Variants in TNIP1 observed in about 807,000 individuals in gnomAD.
TNIP1 encodes the protein TNFAIP3 interacting protein 1.
TNIP1 carries 22 observed loss-of-function variants against 86.6 expected under a neutral mutation model. The ratio of observed to expected loss-of-function variants is 0.25; its 90% CI spans 0.18 to 0.36. TNIP1 has a LOEUF of 0.36. Ranked by LOEUF, TNIP1 falls within the 10% of genes least tolerant of loss-of-function variation. The pLI, the probability that TNIP1 is intolerant of heterozygous loss-of-function variation, is 1.00. For missense variants in TNIP1, 709 were observed against 820.6 expected, an observed-to-expected ratio of 0.86 and a Z score of 1.66; for synonymous variants, 294 against 313.0, an observed-to-expected ratio of 0.94 and a Z score of 0.64.
At chr5:151,087,569 T>G (rs140378407), upstream of TNIP1, 721 of 152,282 alleles carry the variant, frequency 4.7e-3, 6 homozygotes, top group Middle Eastern at 0.02. Flanking sequence ...GCCCACATCC[T>G]CCCACCCCGT....
chr5:151,076,351 T>C (rs943166366), intron 1 of TNIP1, among the ~76,000 whole-genome samples: 5 of 152,040 alleles, frequency 3.3e-5, no homozygotes, highest in Admixed American at 2.6e-4. Flanking sequence ...TGTGGGGGCA[T>C]AGCAGCAAGA....
chr5:151,059,864 TGTGCGCGCGC>T (rs1369751521), intron 5 of TNIP1, among the ~76,000 whole-genome samples: 22 of 98,680 alleles, frequency 2.2e-4, no homozygotes, highest in East Asian at 2.1e-3. Context: ...TGTGTGTGTG[TGTGCGCGCGC>T]GCGCGCGCAT....
upstream of TNIP1, among the ~76,000 whole-genome samples, chr5:151,081,258 C>A (rs532128486): frequency 6.6e-6 from 1 of 152,318 alleles, no homozygotes; most frequent in East Asian, 1.9e-4. Flanking sequence ...CCGTCCCGGG[C>A]CTGCGCGGCG....
At chr5:151,055,596 G>A (rs1459223049) in intron 6 of TNIP1, among the ~76,000 whole-genome samples, 1 of 152,162 alleles carries the variant, frequency 6.6e-6, no homozygotes, top group African/African-American at 2.4e-5. Flanking sequence ...TCCCCTCCAG[G>A]TGGGATGGGC....
At chr5:151,041,562 T>C (rs1365135783) in intron 11 of TNIP1, among the ~76,000 whole-genome samples, 1 of 152,102 alleles carries the variant, frequency 6.6e-6, no homozygotes, top group Admixed American at 6.5e-5. Flanking sequence ...AGACAAGGTG[T>C]GGCTATGTCA....
intron 1 of TNIP1, among the ~76,000 whole-genome samples, chr5:151,071,839 A>G (rs78887201): frequency 0.016 from 2,445 of 152,206 alleles, 74 homozygotes; most frequent in African/African-American, 0.056. Flanking sequence ...CGAGGCCCAG[A>G]TTACACACCA....
intron 6 of TNIP1, among the ~76,000 whole-genome samples, chr5:151,053,879 G>A (rs138389566): frequency 1.2e-3 from 189 of 152,326 alleles, no homozygotes; most frequent in Admixed American, 3.1e-3. Flanking sequence ...CCACACTGGT[G>A]TCTCTTTCCC....
At position 151,042,646 on chromosome 5, in the gene TNIP1, G is replaced by A; in HGVS notation, c.1028C>T (p.Ala343Val). The A allele has an allele frequency of 1.2e-6, 2 of 1,613,924 alleles. No homozygotes were observed. Among genetic ancestry groups the A allele is most frequent in the Non-Finnish European group, 1.7e-6 (2 of 1,180,002 alleles). ...QKITELRQKL[A>V]DLQKQVTDLE... is the part of the protein sequence containing the mutation. ...GTCAGTCACCTGCTTCTGCAAATCA[G>A]CCAGCTTCTGACGCAGCTCAGTGAT... Residue 343 changes from alanine (A) to valine (V), a missense_variant, in exon 11 of 18, where the codon GCT (alanine) becomes GTT (valine). Transcript: ENST00000521591.
At chr5:151,064,373 C>T (rs1475898141) in intron 2 of TNIP1, among the ~76,000 whole-genome samples, 2 of 152,218 alleles carry the variant, frequency 1.3e-5, no homozygotes, top group Non-Finnish European at 2.9e-5. Flanking sequence ...AGAAAGAGAG[C>T]CCCCTCTGGA....
upstream of TNIP1, among the ~76,000 whole-genome samples, chr5:151,082,095 G>C (rs2113860003): frequency 6.6e-6 from 1 of 152,204 alleles, no homozygotes; most frequent in Admixed American, 6.5e-5. Context: ...AAGGATTTGG[G>C]GAACTGTTTA....
At chr5:151,064,841 G>C in intron 2 of TNIP1, 119 bp downstream of exon 2, 1 of 1,440,924 alleles carries the variant, frequency 6.9e-7, no homozygotes, top group Non-Finnish European at 9.6e-7. Context: ...GGCCAGGAGG[G>C]ACAGGGGATG....
intron 5 of TNIP1, among the ~76,000 whole-genome samples, chr5:151,059,793 G>C (rs1453674238): frequency 5.2e-5 from 5 of 96,082 alleles, no homozygotes; most frequent in African/African-American, 1.1e-4. Context: ...GAGAGAGAGA[G>C]AGAGAGAGAG....
chr5:151,064,977 T>C lies in TNIP1; in HGVS notation c.119A>G (p.Gln40Arg), dbSNP rs1000521086. ...KENSRLKEKM[Q>R]GIKMLGELLE... ...TGCTTTACCTAACATCTTTATCCCT[T>C]GCATTTTTTCCTTCAGCCGGGAATT... The change falls in exon 2 of 18, where the codon CAA becomes CGA. Residue 40 changes from glutamine to arginine, a missense_variant. By Grantham distance (43) the Gln-to-Arg change is conservative. Transcript: ENST00000521591. The C allele has an allele frequency of 1.9e-6, 3 of 1,614,190 alleles. No homozygotes were observed. The highest frequency in any genetic ancestry group is 1.7e-5 in the Admixed American group (1 of 60,026).
intron 1 of TNIP1, among the ~76,000 whole-genome samples, chr5:151,066,144 G>A (rs1176221616): frequency 2.0e-5 from 3 of 152,200 alleles, no homozygotes; most frequent in Admixed American, 6.5e-5. Flanking sequence ...AGAGGAGGAT[G>A]GTGGGGAACA....
intron 9 of TNIP1, among the ~76,000 whole-genome samples, chr5:151,043,791 A>G (rs553357964): frequency 2.6e-5 from 4 of 152,120 alleles, no homozygotes; most frequent in Non-Finnish European, 4.4e-5. Context: ...AAAAAAAGAA[A>G]AGAAAAAAAG....
At chr5:151,075,228 G>C (rs1763247047) in intron 1 of TNIP1, among the ~76,000 whole-genome samples, 2 of 152,190 alleles carry the variant, frequency 1.3e-5, no homozygotes, top group Non-Finnish European at 2.9e-5. Context: ...AATTTCAACT[G>C]ATTGGAAATG....
chr5:151,078,146 T>C (rs1001463119), intron 1 of TNIP1, among the ~76,000 whole-genome samples: 1 of 152,182 alleles, frequency 6.6e-6, no homozygotes, highest in Non-Finnish European at 1.5e-5. Flanking sequence ...ATCTCCCCAT[T>C]TGACCAAAAG....
chr5:151,074,934 C>T (rs182661202), intron 1 of TNIP1, among the ~76,000 whole-genome samples: 2 of 152,288 alleles, frequency 1.3e-5, no homozygotes, highest in East Asian at 3.9e-4. Context: ...TGCGCCACCA[C>T]ACCCAGCTAA....
At chr5:151,051,197 T>C (rs1466157236) in intron 7 of TNIP1, among the ~76,000 whole-genome samples, 1 of 152,154 alleles carries the variant, frequency 6.6e-6, no homozygotes, top group Non-Finnish European at 1.5e-5. Flanking sequence ...AATTACACAC[T>C]GATTCAAAAT....
Sources: allele counts gnomAD v4.1 joint callset (sites outside exome capture counted in the v4.1 genomes callset), GRCh38; gene constraint gnomAD v4.1.1; transcripts MANE v1.5; gene names NCBI Gene and HGNC (gene_info 2026-07-23, HGNC 2026-07-21).